CLPB: variants seen among roughly 807,000 people sequenced by gnomAD.
The protein encoded by CLPB is ClpB family mitochondrial disaggregase.
A neutral mutation model predicts 78.4 loss-of-function variants in CLPB; 40 were observed. That is an observed-to-expected ratio of 0.51 (90% CI 0.40 to 0.66). CLPB has a LOEUF of 0.66. Ranked by LOEUF, CLPB falls within the 30% of genes least tolerant of loss-of-function variation. The pLI is 0.00. For missense variants in CLPB, 780 were observed against 886.9 expected, an observed-to-expected ratio of 0.88 and a Z score of 1.53; for synonymous variants, 333 against 348.0, an observed-to-expected ratio of 0.96 and a Z score of 0.48.
At chr11:72,380,483 G>A (rs555737707) in intron 3 of CLPB, 99 bp from the exon 4 acceptor site, 158 of 856,050 alleles carry the variant, frequency 1.8e-4, no homozygotes, top group Admixed American at 5.4e-4. Context: ...AGCTGTCTCT[G>A]CTCATGTGAG....
Position 72,434,415 on chromosome 11 carries a change from C to G in CLPB, c.60G>C (p.Leu20=). The change falls in exon 1 of 16, where the codon CTG becomes CTC. Residue 20 remains leucine (L), a synonymous_variant. Coordinates refer to ENST00000538039, the MANE Select transcript of CLPB (RefSeq NM_001258392.3). Reference sequence around the variant, plus strand: ...GGCCCCGGAGCGTTGGGGACCTGAGCAGCCGGAGGAGTAGCCGTGGCGCCA... The same window carrying G: ...GGCCCCGGAGCGTTGGGGACCTGAGGAGCCGGAGGAGTAGCCGTGGCGCCA... ...KALAPRLLLR[L]LRSPTLRGHG... The G allele has an allele frequency of 6.3e-7, 1 of 1,597,442 alleles. No homozygotes were observed. The highest frequency in any genetic ancestry group is 8.5e-7 in the Non-Finnish European group (1 of 1,169,828).
In CLPB at chr11:72,294,097, G is replaced by A. The variant is rs140958543; in HGVS notation, c.1710C>T (p.Leu570=). ...RAKQRHNITL[L]WDREVADVLV... is the part of the protein sequence containing the mutation. ...GCACATCTGCCACCTCGCGGTCCCA[G>A]AGCAGCGTGATGTTGTGCCTTTGCT... The change falls in exon 15 of 16, where the codon CTC becomes CTT. Residue 570 remains leucine, a synonymous_variant. Coordinates refer to ENST00000538039, the MANE Select transcript of CLPB (RefSeq NM_001258392.3). The A allele has an allele frequency of 1.2e-4, 200 of 1,614,052 alleles. No individual in the cohort carries two copies. The highest frequency in any genetic ancestry group is 1.6e-4 in the Non-Finnish European group (189 of 1,180,022).
At chr11:72,317,268 C>T in intron 6 of CLPB, 48 bp from the exon 7 acceptor site, 1 of 1,392,902 alleles carries the variant, frequency 7.2e-7, no homozygotes, top group Non-Finnish European at 9.9e-7. Flanking sequence ...GCCCATAGCA[C>T]CATAGCTTCA....
chr11:72,339,907 T>TA, intron 5 of CLPB, among the ~76,000 whole-genome samples: 1 of 152,362 alleles, frequency 6.6e-6, no homozygotes. Context: ...TGCTTAAACT[T>TA]ACTACTGGCT....
rs764474532 is a variant in CLPB, at chr11:72,302,351, G to T, written c.1123-3C>A. The T allele has an allele frequency of 6.2e-7, 1 of 1,614,138 alleles. No individual in the cohort carries two copies. The highest frequency in any genetic ancestry group is 1.7e-5 in the Admixed American group (1 of 60,026). On this transcript the variant is annotated splice_polypyrimidine_tract_variant and splice_region_variant and intron_variant, in intron 9 of 15. Transcript: ENST00000538039. ...GACATGTCCAGCCTGATGAAGCCCTGTGTGGAAACAAGCAAGTACCAACTC... is the reference window on the plus strand; with the variant it reads ...GACATGTCCAGCCTGATGAAGCCCTTTGTGGAAACAAGCAAGTACCAACTC...
At position 72,372,932 on chromosome 11, in the gene CLPB, G is replaced by A. The variant is rs757266658; in HGVS notation, c.646+7349C>T. 2.7e-5 allele frequency: 43 copies of A among 1,613,496 alleles called. No homozygotes were observed. Among genetic ancestry groups the A allele is most frequent in the Admixed American group, 3.3e-5 (2 of 60,004 alleles). The stretch of plus-strand genomic sequence containing the variant: ...ACAGAGCAGTTCCATTACCGCCAGC[G>A]GGGAGTCCTAGCCATCTCCTGAACT... On this transcript the variant is annotated intron_variant, in intron 4 of 15. Coordinates refer to ENST00000538039, the MANE Select transcript of CLPB (RefSeq NM_001258392.3).
chr11:72,336,386 C>T (rs1313759938), intron 5 of CLPB, among the ~76,000 whole-genome samples: 1 of 152,166 alleles, frequency 6.6e-6, no homozygotes, highest in East Asian at 1.9e-4. Flanking sequence ...CATGACTCAG[C>T]CCTTCCCTCT....
At chr11:72,318,890 T>C (rs1377473539) in intron 6 of CLPB, among the ~76,000 whole-genome samples, 1 of 152,208 alleles carries the variant, frequency 6.6e-6, no homozygotes, top group Non-Finnish European at 1.5e-5. Context: ...GATCTGCTTT[T>C]TCCTCCTCCC....
intron 5 of CLPB, among the ~76,000 whole-genome samples, chr11:72,358,135 T>C (rs1360535747): frequency 1.3e-5 from 2 of 152,212 alleles, no homozygotes; most frequent in Admixed American, 6.5e-5. Context: ...TGGACAGGAC[T>C]TGCCCAGCCT....
rs1949677741 is a variant in CLPB, at chr11:72,302,538, C to T, written c.1123-190G>A. ...TCTGTGCACTCATTTCCTACGAGTC[C>T]CTCATTCTCTTCCTTAAAAGACCCA... On this transcript the variant is annotated intron_variant, in intron 9 of 15. Transcript: ENST00000538039. 3 of 589,668 alleles carry T rather than the reference C, an allele frequency of 5.1e-6. No individual in the cohort carries two copies. In the South Asian group the frequency reaches 5.7e-5, roughly 11 times the overall value. The allele number at this position is 589,668 out of a possible 1,614,324, so 36.5% of individuals were successfully genotyped here. A position where few individuals can be genotyped will look rare whatever the true frequency, so the allele number is the denominator to read the frequency against.
intron 3 of CLPB, among the ~76,000 whole-genome samples, chr11:72,394,048 T>C (rs1169931857): frequency 1.3e-5 from 2 of 152,226 alleles, no homozygotes; most frequent in East Asian, 1.9e-4. Flanking sequence ...CTGATGTCCA[T>C]TCATACATAA....
intron 5 of CLPB, among the ~76,000 whole-genome samples, chr11:72,338,314 C>G (rs1950358659): frequency 6.6e-6 from 1 of 152,138 alleles, no homozygotes; most frequent in Non-Finnish European, 1.5e-5. Flanking sequence ...GCAGAAGATA[C>G]TACACTGAGC....
intron 6 of CLPB, among the ~76,000 whole-genome samples, chr11:72,324,136 G>C (rs982657839): frequency 6.6e-6 from 1 of 152,150 alleles, no homozygotes; most frequent in Non-Finnish European, 1.5e-5. Flanking sequence ...GTCTGGAAGG[G>C]AGTCTGAGGC....
At chr11:72,387,997 T>C (rs2135036218) in intron 3 of CLPB, among the ~76,000 whole-genome samples, 1 of 152,260 alleles carries the variant, frequency 6.6e-6, no homozygotes, top group African/African-American at 2.4e-5. Flanking sequence ...CTCTCCAGGT[T>C]CATGAGTATT....
At chr11:72,342,735 C>G (rs1005795297) in intron 5 of CLPB, among the ~76,000 whole-genome samples, 2 of 152,158 alleles carry the variant, frequency 1.3e-5, no homozygotes, top group Non-Finnish European at 2.9e-5. Flanking sequence ...CCAAAGCATC[C>G]GAGCCTGGGG....
chr11:72,413,480 C>G (rs1855936608), intron 2 of CLPB, among the ~76,000 whole-genome samples: 1 of 152,114 alleles, frequency 6.6e-6, no homozygotes, highest in Admixed American at 6.5e-5. Flanking sequence ...TACATTGGTA[C>G]ATGCATCTCG....
chr11:72,408,132 T>A, intron 2 of CLPB: 1 of 1,535,044 alleles, frequency 6.5e-7, no homozygotes, highest in Non-Finnish European at 8.7e-7. Flanking sequence ...ATCTTGGTGT[T>A]CTTCAGTGAG....
chr11:72,368,923 C>T (rs536256411), intron 4 of CLPB, among the ~76,000 whole-genome samples: 1 of 152,324 alleles, frequency 6.6e-6, no homozygotes, highest in African/African-American at 2.4e-5. Context: ...ACCTCATTAT[C>T]ACCCCATCCT....
At chr11:72,349,849 G>A (rs1450552137) in intron 5 of CLPB, among the ~76,000 whole-genome samples, 2 of 152,368 alleles carry the variant, frequency 1.3e-5, no homozygotes, top group South Asian at 2.1e-4. Context: ...TGTAGGACAC[G>A]GAACAGACCT....
Sources: allele counts gnomAD v4.1 joint callset (sites outside exome capture counted in the v4.1 genomes callset), GRCh38; gene constraint gnomAD v4.1.1; transcripts MANE v1.5; gene names NCBI Gene and HGNC (gene_info 2026-07-23, HGNC 2026-07-21).